The following DMD variants were observed in gnomAD, a reference collection of about 807,000 sequenced individuals.
DMD encodes dystrophin.
Under a neutral mutation model 330.1 loss-of-function variants are expected in DMD, and 63 were observed. The observed-to-expected ratio is 0.19, with a 90% CI of 0.16 to 0.24. The LOEUF is 0.24. DMD is among the 10% of genes least tolerant of loss of function. The pLI is 1.00. For synonymous variants in DMD, 1,223 were observed against 959.8 expected (o/e 1.27, Z -5.07); for missense variants, 3,344 against 2,684.1 (o/e 1.25, Z -5.43).
upstream of DMD, among the ~76,000 whole-genome samples, chrX:33,212,441 G>A (rs1603419417): frequency 1.8e-5 from 2 of 111,219 alleles, no homozygotes; most frequent in African/African-American, 3.3e-5. Context: ...TGCAACAGGC[G>A]AGCCCAAAAT....
chrX:31,728,072 G>T (rs1292506139), intron 52 of DMD, among the ~76,000 whole-genome samples: 1 of 112,551 alleles, frequency 8.9e-6, no homozygotes, highest in Non-Finnish European at 1.9e-5. Flanking sequence ...GCCCAGGCTG[G>T]AGTGCAGTGG....
chrX:32,130,326 A>G (rs1023798674), intron 44 of DMD, among the ~76,000 whole-genome samples: 4 of 111,707 alleles, frequency 3.6e-5, no homozygotes, highest in African/African-American at 1.3e-4. Flanking sequence ...ACCCACTACT[A>G]TCAATGCCAG....
chrX:32,076,405 A>T (rs2096351251), intron 44 of DMD, among the ~76,000 whole-genome samples: 1 of 100,273 alleles, frequency 1.0e-5, no homozygotes, highest in Admixed American at 1.1e-4. Context: ...TTTGAGACAG[A>T]GTCTCGCTCT....
At chrX:31,200,679 A>G (rs1407131967) in intron 67 of DMD, among the ~76,000 whole-genome samples, 1 of 111,705 alleles carries the variant, frequency 9.0e-6, no homozygotes, top group Non-Finnish European at 1.9e-5. Flanking sequence ...TGTTCACTAG[A>G]CAACAGAAAG....
chrX:31,364,389 G>C (rs2059121263), intron 60 of DMD, among the ~76,000 whole-genome samples: 1 of 111,823 alleles, frequency 8.9e-6, no homozygotes, highest in Non-Finnish European at 1.9e-5. Flanking sequence ...CTTTTCTGCA[G>C]GGTATGTTGA....
chrX:31,649,477 C>A (rs186893344), intron 54 of DMD, among the ~76,000 whole-genome samples: 10 of 111,719 alleles, frequency 9.0e-5, no homozygotes, highest in African/African-American at 3.2e-4. Flanking sequence ...AGGCTGTTAC[C>A]ACTATGAACC....
intron 7 of DMD, among the ~76,000 whole-genome samples, chrX:32,728,015 G>A (rs1457119869): frequency 1.8e-5 from 2 of 110,885 alleles, no homozygotes; most frequent in Non-Finnish European, 1.9e-5. Context: ...TATTTTTTAG[G>A]CAAGGCCTCT....
At chrX:31,564,453 C>T (rs1354810770) in intron 55 of DMD, among the ~76,000 whole-genome samples, 1 of 111,562 alleles carries the variant, frequency 9.0e-6, no homozygotes, top group East Asian at 2.8e-4. Context: ...GAAATTCGTA[C>T]ATATCTCCTG....
intron 64 of DMD, 32 bp from the exon 65 acceptor site, chrX:31,209,731 CAA>C (rs1422812024): frequency 4.3e-6 from 5 of 1,174,141 alleles, no homozygotes; most frequent in Admixed American, 4.5e-5. Context: ...ACAAATGACT[CAA>C]AGAGTAAAAC....
chrX:32,325,977 G>A (rs760628108), intron 41 of DMD, among the ~76,000 whole-genome samples: 1 of 110,760 alleles, frequency 9.0e-6, no homozygotes, highest in Non-Finnish European at 1.9e-5. Context: ...TTTAGCTAAG[G>A]ATATTGTAAT....
intron 29 of DMD, among the ~76,000 whole-genome samples, chrX:32,429,895 A>C (rs1252120611): frequency 9.0e-6 from 1 of 111,338 alleles, no homozygotes; most frequent in African/African-American, 3.3e-5. Flanking sequence ...TTAAAAGCTT[A>C]ACTATTTTTT....
At chrX:31,368,042 G>A (rs2059351486) in intron 60 of DMD, among the ~76,000 whole-genome samples, 1 of 111,536 alleles carries the variant, frequency 9.0e-6, no homozygotes, top group African/African-American at 3.3e-5. Context: ...AGTAGTGGAC[G>A]GTTCTGTGCA....
chrX:31,271,823 T>C (rs190349879), intron 62 of DMD, among the ~76,000 whole-genome samples: 45 of 111,438 alleles, frequency 4.0e-4, no homozygotes, highest in African/African-American at 1.5e-3. Context: ...AACAAATGGG[T>C]TGGTGTATGG....
At chrX:31,724,701 C>G (rs953470944) in intron 52 of DMD, among the ~76,000 whole-genome samples, 1 of 112,153 alleles carries the variant, frequency 8.9e-6, no homozygotes, top group Non-Finnish European at 1.9e-5. Context: ...CCAAATCCAT[C>G]TCACCATAAC....
chrX:32,587,047 ATAAATAACTTCTATTTCTTAATTT>A (rs2054367952), intron 13 of DMD, among the ~76,000 whole-genome samples: 1 of 111,375 alleles, frequency 9.0e-6, no homozygotes, highest in African/African-American at 3.3e-5. Context: ...ATTCCTCTTC[ATAAATAACTTCTATTTCTTAATTT>A]GATAGGGTCT....
At chrX:31,944,774 C>G (rs996078437) in intron 45 of DMD, among the ~76,000 whole-genome samples, 3 of 108,553 alleles carry the variant, frequency 2.8e-5, no homozygotes, top group Admixed American at 9.9e-5. Context: ...TCCCAGAGTG[C>G]TGGGATTACA....
chrX:32,183,571 A>AAT (rs34502416), intron 44 of DMD, among the ~76,000 whole-genome samples: 1,151 of 95,085 alleles, frequency 0.012, 11 homozygotes, highest in African/African-American at 0.03. Context: ...TATATATATA[A>AAT]ATATATATAT....
At chrX:33,013,326 A>G (rs1311422790) in intron 2 of DMD, among the ~76,000 whole-genome samples, 1 of 111,319 alleles carries the variant, frequency 9.0e-6, no homozygotes, top group Non-Finnish European at 1.9e-5. Context: ...ACATAAACAA[A>G]AAGTTCCCAA....
At chrX:32,886,723 G>A (rs187398338) in intron 2 of DMD, among the ~76,000 whole-genome samples, 3 of 111,477 alleles carry the variant, frequency 2.7e-5, no homozygotes, top group Admixed American at 9.5e-5. Context: ...AATTTCATGC[G>A]CTGGAAGCTG....
Sources: allele counts gnomAD v4.1 joint callset (sites outside exome capture counted in the v4.1 genomes callset), GRCh38; gene constraint gnomAD v4.1.1; transcripts MANE v1.5; gene names NCBI Gene and HGNC (gene_info 2026-07-23, HGNC 2026-07-21).